The following CHST9 variants were observed in gnomAD, a reference collection of about 807,000 sequenced individuals.
CHST9 encodes the protein carbohydrate sulfotransferase 9, also known as GalNAc-4-sulfotransferase 2.
A neutral mutation model predicts 44.4 loss-of-function variants in CHST9; 41 were observed. That is an observed-to-expected ratio of 0.92 (90% CI 0.72 to 1.20). CHST9 has a LOEUF of 1.20. CHST9 is among the 50% of genes most tolerant of loss of function. The pLI, the probability that CHST9 is intolerant of heterozygous loss-of-function variation, is 0.00. For missense variants in CHST9, 504 were observed against 516.5 expected (o/e 0.98, Z 0.23); for synonymous variants, 171 against 178.4 (o/e 0.96, Z 0.33).
intron 2 of CHST9, among the ~76,000 whole-genome samples, chr18:27,075,181 T>G (rs1239059596): frequency 3.5e-4 from 22 of 62,528 alleles, no homozygotes; most frequent in African/African-American, 1.0e-3. Context: ...TGTTTTTTGT[T>G]TTTTTTTTGG....
intron 2 of CHST9, among the ~76,000 whole-genome samples, chr18:27,072,638 A>G (rs1276936680): frequency 6.6e-6 from 1 of 152,102 alleles, no homozygotes; most frequent in Non-Finnish European, 1.5e-5. Flanking sequence ...CCCAAACCTG[A>G]TGAGATCCAG....
At chr18:27,111,056 G>C (rs1182428287) in intron 2 of CHST9, among the ~76,000 whole-genome samples, 2 of 152,224 alleles carry the variant, frequency 1.3e-5, no homozygotes, top group Non-Finnish European at 2.9e-5. Context: ...TCTCTTGTGA[G>C]AAGAAATGAG....
At chr18:27,161,863 T>A (rs550000161) in intron 1 of CHST9, among the ~76,000 whole-genome samples, 2 of 152,180 alleles carry the variant, frequency 1.3e-5, no homozygotes, top group African/African-American at 2.4e-5. Context: ...CATTATGTAA[T>A]GGCCTTCTTT....
chr18:27,011,147 G>A (rs2057079134), intron 4 of CHST9, among the ~76,000 whole-genome samples: 1 of 152,176 alleles, frequency 6.6e-6, no homozygotes, highest in South Asian at 2.1e-4. Context: ...TAGTGACATG[G>A]AAGTCTGGCC....
chr18:27,113,238 A>G (rs2058289825), intron 2 of CHST9, among the ~76,000 whole-genome samples: 1 of 151,916 alleles, frequency 6.6e-6, no homozygotes, highest in Non-Finnish European at 1.5e-5. Context: ...GTACTATCAC[A>G]TAACCTATCA....
chr18:27,053,269 A>AG (rs2057605440), intron 2 of CHST9, among the ~76,000 whole-genome samples: 1 of 114,282 alleles, frequency 8.8e-6, no homozygotes. Flanking sequence ...AAGGAGAAGG[A>AG]GAAGGAGAAG....
At chr18:27,015,458 G>A (rs556119432) in intron 4 of CHST9, among the ~76,000 whole-genome samples, 34 of 151,970 alleles carry the variant, frequency 2.2e-4, no homozygotes, top group African/African-American at 7.5e-4. Flanking sequence ...TCAAGGAGGG[G>A]ACACTGACTT....
intron 5 of CHST9, chr18:26,933,091 AGACCAAT>A (rs1338182377): frequency 6.5e-6 from 1 of 153,800 alleles, no homozygotes; most frequent in African/African-American, 2.4e-5. Context: ...ACACGTGCAT[AGACCAAT>A]TTGCAAAAGA....
chr18:26,986,449 A>G (rs2145200204), intron 4 of CHST9, among the ~76,000 whole-genome samples: 1 of 152,286 alleles, frequency 6.6e-6, no homozygotes, highest in Middle Eastern at 3.4e-3. Context: ...CTATCAGACA[A>G]CTTTAAGCAG....
intron 4 of CHST9, among the ~76,000 whole-genome samples, chr18:26,966,056 T>A (rs1173474561): frequency 6.6e-6 from 1 of 152,258 alleles, no homozygotes; most frequent in East Asian, 1.9e-4. Flanking sequence ...TTCATAATGC[T>A]GCTTTTAATT....
At chr18:27,034,260 C>A (rs1271509686) in intron 3 of CHST9, among the ~76,000 whole-genome samples, 2 of 152,148 alleles carry the variant, frequency 1.3e-5, no homozygotes, top group Non-Finnish European at 2.9e-5. Context: ...GTTTTCGTAT[C>A]CTTCCACATC....
At chr18:26,929,100 C>T (rs540155586) in intron 5 of CHST9, among the ~76,000 whole-genome samples, 9 of 152,260 alleles carry the variant, frequency 5.9e-5, no homozygotes, top group African/African-American at 2.2e-4. Context: ...ACTCACTCTT[C>T]CTTTGGAAGT....
At chr18:27,119,928 C>A (rs993445232) in intron 2 of CHST9, among the ~76,000 whole-genome samples, 23 of 152,032 alleles carry the variant, frequency 1.5e-4, no homozygotes, top group African/African-American at 5.6e-4. Flanking sequence ...GAGATCAATA[C>A]TAGACTGACT....
At chr18:27,170,778 AT>A (rs1415982426) in intron 1 of CHST9, among the ~76,000 whole-genome samples, 1 of 152,204 alleles carries the variant, frequency 6.6e-6, no homozygotes, top group African/African-American at 2.4e-5. Context: ...ATCGTGTAAA[AT>A]CTAGAGGGAG....
chr18:26,952,231 G>A (rs2056258329), intron 4 of CHST9: 1 of 527,428 alleles, frequency 1.9e-6, no homozygotes, highest in Admixed American at 1.9e-5. Flanking sequence ...AGGCTCCCCG[G>A]ACTTCTGGCA....
chr18:26,969,747 T>A (rs1031432563), intron 4 of CHST9, among the ~76,000 whole-genome samples: 2 of 152,130 alleles, frequency 1.3e-5, no homozygotes, highest in African/African-American at 4.8e-5. Flanking sequence ...GAGGGAGGTA[T>A]TTTAGATAAG....
Position 26,916,214 on chromosome 18 carries a change from T to G in CHST9, c.*45A>C, listed in dbSNP as rs2055517009. Reference sequence around the variant, plus strand: ...TAGAAAAATTACAGCTGATTTGAACTTATCATCATTAAGTATATACAGGGT... The same window carrying G: ...TAGAAAAATTACAGCTGATTTGAACGTATCATCATTAAGTATATACAGGGT... On this transcript the variant is annotated 3_prime_UTR_variant, in exon 6 of 6. Coordinates refer to ENST00000618847, the MANE Select transcript of CHST9 (RefSeq NM_031422.6). 3.0e-6 allele frequency: 4 copies of G among 1,353,908 alleles called. No individual in the cohort carries two copies. Among genetic ancestry groups the G allele is most frequent in the African/African-American group, 2.9e-5 (2 of 68,238 alleles). 83.9% of individuals were successfully genotyped at this position (1,353,908 alleles called of 1,614,324 possible).
intron 4 of CHST9, among the ~76,000 whole-genome samples, chr18:26,995,460 T>G: frequency 6.7e-6 from 1 of 148,732 alleles, no homozygotes; most frequent in Non-Finnish European, 1.5e-5. Flanking sequence ...AAAAAAAAGA[T>G]TACTGCAGCC....
At chr18:27,070,318 C>T (rs1036837769) in intron 2 of CHST9, among the ~76,000 whole-genome samples, 1 of 152,170 alleles carries the variant, frequency 6.6e-6, no homozygotes, top group Admixed American at 6.5e-5. Context: ...AGAGGCCCTA[C>T]ATTTTTATTT....
Sources: allele counts gnomAD v4.1 joint callset (sites outside exome capture counted in the v4.1 genomes callset), GRCh38; gene constraint gnomAD v4.1.1; transcripts MANE v1.5; gene names NCBI Gene and HGNC (gene_info 2026-07-23, HGNC 2026-07-21).